Variants in BRD10 observed in about 807,000 individuals in gnomAD.
BRD10 encodes the protein bromodomain containing 10.
At chr9:5,881,064 G>T in the BRD10 span, among the ~76,000 whole-genome samples, 1 of 152,078 alleles carries the variant, frequency 6.6e-6, no homozygotes, top group Non-Finnish European at 1.5e-5. Context: ...CTCATCCAGG[G>T]ATAAGAAGTT....
the BRD10 span, among the ~76,000 whole-genome samples, chr9:5,965,079 A>G: frequency 6.6e-6 from 1 of 151,146 alleles, no homozygotes; most frequent in Non-Finnish European, 1.5e-5. Flanking sequence ...AAAAAGAAAA[A>G]AAAATCACCT....
the BRD10 span, among the ~76,000 whole-genome samples, chr9:5,990,185 G>C: frequency 6.6e-6 from 1 of 152,216 alleles, no homozygotes; most frequent in Non-Finnish European, 1.5e-5. Flanking sequence ...TGGGCCGGAA[G>C]TAAGGAATTG....
chr9:5,944,185 T>C, the BRD10 span, among the ~76,000 whole-genome samples: 3 of 152,158 alleles, frequency 2.0e-5, no homozygotes, highest in African/African-American at 4.8e-5. Flanking sequence ...TGGTATGTAA[T>C]TGTGTTTAAA....
chr9:5,972,308 T>C, the BRD10 span, among the ~76,000 whole-genome samples: 1 of 152,048 alleles, frequency 6.6e-6, no homozygotes. Flanking sequence ...GAGAAGGAGA[T>C]TATAAAAAAT....
At chr9:5,939,503 G>A in the BRD10 span, among the ~76,000 whole-genome samples, 1 of 152,126 alleles carries the variant, frequency 6.6e-6, no homozygotes, top group African/African-American at 2.4e-5. Context: ...AATCACGAAA[G>A]GTAAAGGTTA....
the BRD10 span, among the ~76,000 whole-genome samples, chr9:5,896,594 C>G: frequency 6.6e-6 from 1 of 152,194 alleles, no homozygotes; most frequent in Non-Finnish European, 1.5e-5. Flanking sequence ...TCACTCAGCT[C>G]TGCAGAAACT....
the BRD10 span, among the ~76,000 whole-genome samples, chr9:5,981,612 T>C: frequency 6.6e-6 from 1 of 151,942 alleles, no homozygotes; most frequent in Admixed American, 6.6e-5. Flanking sequence ...TATCTATCCA[T>C]GTATCTATCT....
At chr9:6,007,786 A>T in the BRD10 span, 27 of 1,535,670 alleles carry the variant, frequency 1.8e-5, no homozygotes, top group African/African-American at 2.8e-5. Context: ...GGGCACACTC[A>T]TGCCCCGGCA....
the BRD10 span, among the ~76,000 whole-genome samples, chr9:5,901,619 G>C: frequency 5.3e-5 from 8 of 151,980 alleles, no homozygotes; most frequent in Non-Finnish European, 1.2e-4. Flanking sequence ...CCCAGGCTCA[G>C]GTGATCCTCC....
chr9:5,987,946 C>T, the BRD10 span, among the ~76,000 whole-genome samples: 8 of 152,128 alleles, frequency 5.3e-5, no homozygotes, highest in African/African-American at 1.9e-4. Flanking sequence ...GATATTAATT[C>T]CAATGGAGGA....
At chr9:5,925,487 A>T in the BRD10 span, among the ~76,000 whole-genome samples, 6 of 151,954 alleles carry the variant, frequency 3.9e-5, no homozygotes, top group Non-Finnish European at 8.8e-5. Context: ...GAGACAACTA[A>T]TTTTTTTTCT....
the BRD10 span, among the ~76,000 whole-genome samples, chr9:5,942,224 G>A: frequency 1.3e-5 from 2 of 151,196 alleles, no homozygotes; most frequent in East Asian, 3.9e-4. Flanking sequence ...TAACAATATT[G>A]TTATTCATAA....
At chr9:5,959,868 A>G in the BRD10 span, among the ~76,000 whole-genome samples, 1 of 152,348 alleles carries the variant, frequency 6.6e-6, no homozygotes, top group South Asian at 2.1e-4. Flanking sequence ...ACATGCTTAG[A>G]AAGATCACCC....
the BRD10 span, among the ~76,000 whole-genome samples, chr9:5,944,028 G>C: frequency 6.6e-6 from 1 of 152,076 alleles, no homozygotes; most frequent in Admixed American, 6.5e-5. Context: ...CAAACTTGCT[G>C]AATCACTAAC....
chr9:5,907,068 T>G, the BRD10 span: 1 of 1,066,986 alleles, frequency 9.4e-7, no homozygotes, highest in African/African-American at 1.6e-5. Flanking sequence ...TACAATTATT[T>G]CCATTTAAAA....
At chr9:5,894,983 G>A in the BRD10 span, among the ~76,000 whole-genome samples, 4 of 152,336 alleles carry the variant, frequency 2.6e-5, no homozygotes, top group South Asian at 4.1e-4. This position sits in a 1 kb window ranked among gnomAD's most constrained non-coding sequence, Gnocchi z 4.0. Context: ...CCTGAATGAC[G>A]TGCATAAGCA....
the BRD10 span, among the ~76,000 whole-genome samples, chr9:5,906,343 GA>G: frequency 5.0e-5 from 7 of 140,652 alleles, no homozygotes; most frequent in Non-Finnish European, 9.3e-5. Context: ...AAAAAAAAAA[GA>G]AAAGAAAAGA....
At chr9:5,911,436 T>C in the BRD10 span, among the ~76,000 whole-genome samples, 1 of 149,320 alleles carries the variant, frequency 6.7e-6, no homozygotes, top group South Asian at 2.1e-4. Context: ...GCCAGTACCA[T>C]GATGTTTTGG....
the BRD10 span, among the ~76,000 whole-genome samples, chr9:5,979,173 A>T: frequency 6.6e-6 from 1 of 152,240 alleles, no homozygotes; most frequent in Admixed American, 6.5e-5. Flanking sequence ...CCAGATCAGT[A>T]AAATACCAGC....
Sources: allele counts gnomAD v4.1 joint callset (sites outside exome capture counted in the v4.1 genomes callset), GRCh38; gene constraint gnomAD v4.1.1; non-coding constraint Gnocchi (gnomAD v3.1); transcripts MANE v1.5; gene names NCBI Gene and HGNC (gene_info 2026-07-23, HGNC 2026-07-21).